Variants in CSMD1 observed in about 807,000 individuals in gnomAD.
CSMD1 encodes the protein CUB and Sushi multiple domains 1.
In CSMD1, 213 loss-of-function variants were observed where a neutral mutation model predicts 417.5. The ratio of observed to expected loss-of-function variants is 0.51; its 90% CI spans 0.46 to 0.57. The LOEUF (loss-of-function observed/expected upper bound fraction) is 0.57. Among genes scored for constraint, CSMD1 ranks in the 20% least tolerant of loss-of-function variants. The probability of loss-of-function intolerance (pLI) is 0.00; values close to 1 mark genes in which losing one functional copy is unlikely to be tolerated. For missense variants in CSMD1, 6,923 were observed against 4,529.7 expected, an observed-to-expected ratio of 1.53 and a Z score of -15.17; for synonymous variants, 2,862 against 1,736.8, an observed-to-expected ratio of 1.65 and a Z score of -16.11.
intron 12 of CSMD1, among the ~76,000 whole-genome samples, chr8:3,462,144 T>G (rs973186055): frequency 1.3e-5 from 2 of 151,750 alleles, no homozygotes; most frequent in Admixed American, 6.6e-5. Flanking sequence ...ACCTCCCAGC[T>G]GCTCGGGACC....
At chr8:4,981,948 T>C (rs1371405212) in intron 1 of CSMD1, among the ~76,000 whole-genome samples, 3 of 152,094 alleles carry the variant, frequency 2.0e-5, no homozygotes. Flanking sequence ...AAGTCCCAGG[T>C]GACAACCGTG....
chr8:3,170,072 A>C (rs886312610), intron 37 of CSMD1, among the ~76,000 whole-genome samples: 1 of 152,124 alleles, frequency 6.6e-6, no homozygotes, highest in Non-Finnish European at 1.5e-5. Context: ...AAAAGCTTCT[A>C]CTCTCCTTTG....
chr8:3,083,861 T>C (rs532566842), intron 49 of CSMD1, among the ~76,000 whole-genome samples: 1 of 151,482 alleles, frequency 6.6e-6, no homozygotes, highest in Non-Finnish European at 1.5e-5. Context: ...GGTTTCACCA[T>C]GTTGCCCAGG....
intron 3 of CSMD1, among the ~76,000 whole-genome samples, chr8:4,147,756 C>T (rs1796336595): frequency 6.6e-6 from 1 of 152,110 alleles, no homozygotes; most frequent in East Asian, 1.9e-4. Context: ...CCCCGGCAAG[C>T]CATGGACTTG....
At chr8:3,455,942 G>A (rs1286927471) in intron 12 of CSMD1, among the ~76,000 whole-genome samples, 1 of 152,212 alleles carries the variant, frequency 6.6e-6, no homozygotes, top group Non-Finnish European at 1.5e-5. Context: ...GCCTCCTTGA[G>A]CTGAGGTGGG....
chr8:4,066,953 C>G (rs1056994612), intron 3 of CSMD1, among the ~76,000 whole-genome samples: 2 of 152,244 alleles, frequency 1.3e-5, no homozygotes, highest in Non-Finnish European at 2.9e-5. Flanking sequence ...TAAATACCCT[C>G]AGGGTGGAAC....
intron 1 of CSMD1, among the ~76,000 whole-genome samples, chr8:4,830,092 T>A (rs1585174051): frequency 6.6e-6 from 1 of 152,182 alleles, no homozygotes; most frequent in Non-Finnish European, 1.5e-5. Flanking sequence ...ACCCAGGTAC[T>A]GAAGAGCTAC....
rs186526906 is a variant in CSMD1, at chr8:2,988,578, G to C, written c.8377+9433C>G. Among the ~76,000 whole-genome samples, 292 of 152,252 alleles carry C rather than the reference G, an allele frequency of 1.9e-3. 3 individuals carry two copies. The highest frequency in any genetic ancestry group is 5.0e-3 in the African/African-American group (206 of 41,558). The stretch of plus-strand genomic sequence containing the variant: ...GAAATATGGGCCTCCAGGAGAGTAG[G>C]AAAATGTGATTCTCAAAATAAACCT... On this transcript the variant is annotated intron_variant, in intron 54 of 69. Coordinates refer to ENST00000635120, the MANE Select transcript of CSMD1 (RefSeq NM_033225.6).
intron 5 of CSMD1, among the ~76,000 whole-genome samples, chr8:3,959,105 C>T (rs188154179): frequency 2.2e-3 from 336 of 152,290 alleles, no homozygotes; most frequent in African/African-American, 7.7e-3. Flanking sequence ...CTGTCACATG[C>T]TTTCACTTTT....
chr8:4,578,500 T>A (rs904026784), intron 2 of CSMD1, among the ~76,000 whole-genome samples: 2 of 151,250 alleles, frequency 1.3e-5, no homozygotes, highest in African/African-American at 4.9e-5. Context: ...ATATTCAGAG[T>A]ATTAATTTCC....
At chr8:4,202,183 T>C (rs944385635) in intron 3 of CSMD1, among the ~76,000 whole-genome samples, 5 of 152,182 alleles carry the variant, frequency 3.3e-5, no homozygotes, top group Admixed American at 3.3e-4. Context: ...GTTAGTATTA[T>C]TACTCTTATA....
chr8:4,468,928 C>G (rs942320022), intron 2 of CSMD1, among the ~76,000 whole-genome samples: 7 of 145,942 alleles, frequency 4.8e-5, no homozygotes, highest in African/African-American at 1.7e-4. Context: ...TGGAAACAAG[C>G]TCATTCTGTT....
chr8:3,137,875 A>T (rs1460540394), intron 41 of CSMD1, among the ~76,000 whole-genome samples: 2 of 152,162 alleles, frequency 1.3e-5, no homozygotes, highest in African/African-American at 2.4e-5. Flanking sequence ...TAAATTCCTG[A>T]TTTTAAAAAG....
chr8:4,035,155 G>C (rs924926117), intron 3 of CSMD1, among the ~76,000 whole-genome samples: 1 of 150,208 alleles, frequency 6.7e-6, no homozygotes. Flanking sequence ...ATCGGTCCCA[G>C]GAGATGATGG....
intron 1 of CSMD1, among the ~76,000 whole-genome samples, chr8:4,707,274 G>A (rs1451026547): frequency 6.6e-6 from 1 of 152,100 alleles, no homozygotes; most frequent in Non-Finnish European, 1.5e-5. Context: ...AGGAATATTA[G>A]GTCTTTAAAC....
intron 12 of CSMD1, among the ~76,000 whole-genome samples, chr8:3,463,028 C>T (rs1033662038): frequency 6.6e-6 from 1 of 152,200 alleles, no homozygotes; most frequent in Non-Finnish European, 1.5e-5. Context: ...CATCTATGAA[C>T]CAGGAAACGG....
chr8:4,333,469 T>C (rs1466408558), intron 3 of CSMD1, among the ~76,000 whole-genome samples: 6 of 152,146 alleles, frequency 3.9e-5, no homozygotes, highest in Non-Finnish European at 7.4e-5. Context: ...TTTCCTTATC[T>C]TGGAAATTAT....
intron 2 of CSMD1, among the ~76,000 whole-genome samples, chr8:4,513,046 T>G (rs1170673366): frequency 5.3e-5 from 8 of 152,134 alleles, no homozygotes; most frequent in Admixed American, 5.2e-4. Flanking sequence ...ACAATGAAAA[T>G]TATCTGTATG....
chr8:3,842,368 A>C (rs768795152), intron 5 of CSMD1, among the ~76,000 whole-genome samples: 9 of 152,116 alleles, frequency 5.9e-5, no homozygotes, highest in Non-Finnish European at 1.0e-4. Context: ...ACCACTAATA[A>C]TGTATACTTA....
Sources: allele counts gnomAD v4.1 joint callset (sites outside exome capture counted in the v4.1 genomes callset), GRCh38; gene constraint gnomAD v4.1.1; transcripts MANE v1.5; gene names NCBI Gene and HGNC (gene_info 2026-07-23, HGNC 2026-07-21).